FOXN3: variants seen among roughly 807,000 people sequenced by gnomAD.
The protein encoded by FOXN3 is forkhead box protein N3.
FOXN3 carries 7 observed loss-of-function variants against 38.4 expected under a neutral mutation model. That is an observed-to-expected ratio of 0.18 (90% CI 0.10 to 0.34). The LOEUF (loss-of-function observed/expected upper bound fraction) is 0.34, where lower values mean the gene tolerates loss of function less well. Among genes scored for constraint, FOXN3 ranks in the 10% least tolerant of loss-of-function variants. The pLI, the probability that FOXN3 is intolerant of heterozygous loss-of-function variation, is 1.00. For missense variants in FOXN3, 456 were observed against 613.4 expected, an observed-to-expected ratio of 0.74 and a Z score of 2.71; for synonymous variants, 230 against 242.2, an observed-to-expected ratio of 0.95 and a Z score of 0.47.
intron 1 of FOXN3, among the ~76,000 whole-genome samples, chr14:89,454,646 G>A (rs1007388574): frequency 6.6e-6 from 1 of 152,138 alleles, no homozygotes; most frequent in African/African-American, 2.4e-5. Flanking sequence ...GCTAAATCCT[G>A]GTCCATTCAC....
At chr14:89,449,371 T>C (rs1409399367) in intron 1 of FOXN3, among the ~76,000 whole-genome samples, 1 of 152,222 alleles carries the variant, frequency 6.6e-6, no homozygotes, top group Non-Finnish European at 1.5e-5. Flanking sequence ...TATATTTACA[T>C]ACACATACCT....
intron 3 of FOXN3, among the ~76,000 whole-genome samples, chr14:89,292,139 C>T (rs547962582): frequency 9.9e-5 from 15 of 152,142 alleles, no homozygotes; most frequent in South Asian, 4.1e-4. Flanking sequence ...TCTGCCTGCG[C>T]GTGCATCTTC....
intron 1 of FOXN3, among the ~76,000 whole-genome samples, chr14:89,432,547 T>C (rs1274375413): frequency 1.3e-5 from 2 of 152,200 alleles, no homozygotes; most frequent in Non-Finnish European, 2.9e-5. Context: ...CATCCTCATT[T>C]ACAGATGAGG....
At chr14:89,510,817 C>T (rs369773674) in intron 1 of FOXN3, among the ~76,000 whole-genome samples, 5 of 152,268 alleles carry the variant, frequency 3.3e-5, no homozygotes, top group African/African-American at 1.2e-4. Context: ...TGGTGTGCGC[C>T]TGTAAATCCC....
intron 4 of FOXN3, among the ~76,000 whole-genome samples, chr14:89,257,559 C>T (rs753510886): frequency 1.2e-4 from 18 of 152,188 alleles, no homozygotes; most frequent in Admixed American, 3.9e-4. Flanking sequence ...CTTTGGGCTT[C>T]CCCACCAGGT....
At chr14:89,287,906 CAA>C (rs1886684091) in intron 3 of FOXN3, among the ~76,000 whole-genome samples, 2 of 151,508 alleles carry the variant, frequency 1.3e-5, no homozygotes, top group Non-Finnish European at 2.9e-5. Context: ...AAAAAATAAA[CAA>C]AATCAGCCCA....
chr14:89,367,804 G>A (rs1596231956), intron 2 of FOXN3, among the ~76,000 whole-genome samples: 1 of 151,298 alleles, frequency 6.6e-6, no homozygotes, highest in African/African-American at 2.4e-5. Flanking sequence ...TGGCTGTCCA[G>A]AGAGCCAGGG....
Position 89,511,237 on chromosome 14 carries a change from CTTTTCTTTCTTTTCTTTCTTTCTTTCT to C in FOXN3, c.-14-98774_-14-98748del, listed in dbSNP as rs1894075272. On this transcript the variant is annotated intron_variant, in intron 1 of 6. Transcript: ENST00000345097. Reference sequence around the variant, plus strand: ...TTTCTTTCTTTCTTTCTTTTCTTTCCTTTTCTTTCTTTTCTTTCTTTCTTTCTTTCTTTCTTTCTTTCTTTCTTTCTT... The same window carrying C: ...TTTCTTTCTTTCTTTCTTTTCTTTCCTTCTTTCTTTCTTTCTTTCTTTCTT... 1.2e-4 allele frequency among the ~76,000 whole-genome samples: 3 copies of C among 25,718 alleles called. 1 individual carries two copies. Among genetic ancestry groups the C allele is most frequent in the South Asian group, 3.2e-3 (2 of 628 alleles). 16.9% of individuals were successfully genotyped at this position (25,718 alleles called of 152,430 possible).
chr14:89,271,469 A>G (rs933633667), intron 4 of FOXN3, among the ~76,000 whole-genome samples: 2 of 152,228 alleles, frequency 1.3e-5, no homozygotes, highest in Non-Finnish European at 2.9e-5. Context: ...ACATTTTTAA[A>G]TGCTCAAAAA....
chr14:89,335,192 C>G (rs1888412370), intron 3 of FOXN3, among the ~76,000 whole-genome samples: 1 of 151,778 alleles, frequency 6.6e-6, no homozygotes, highest in East Asian at 1.9e-4. Context: ...TGTATCACAA[C>G]ATCACACTGT....
At chr14:89,224,064 T>C (rs934019737) in intron 4 of FOXN3, among the ~76,000 whole-genome samples, 65 of 152,328 alleles carry the variant, frequency 4.3e-4, no homozygotes, top group African/African-American at 1.5e-3. Flanking sequence ...ATAATCAACT[T>C]AGATTTTGAT....
At chr14:89,613,491 C>G (rs1308353410) in intron 1 of FOXN3, among the ~76,000 whole-genome samples, 1 of 152,190 alleles carries the variant, frequency 6.6e-6, no homozygotes, top group Non-Finnish European at 1.5e-5. Flanking sequence ...TAAACAGCCT[C>G]AACATGAAAA....
At chr14:89,179,811 C>T (rs1295191566) in intron 5 of FOXN3, among the ~76,000 whole-genome samples, 1 of 152,184 alleles carries the variant, frequency 6.6e-6, no homozygotes, top group East Asian at 1.9e-4. Flanking sequence ...GAAGGACGTG[C>T]TGCCTTACAT....
intron 2 of FOXN3, among the ~76,000 whole-genome samples, chr14:89,392,797 C>G (rs978665098): frequency 7.0e-6 from 1 of 143,278 alleles, no homozygotes; most frequent in South Asian, 2.2e-4. Context: ...CAGACCACCA[C>G]GCCCAGCTAA....
chr14:89,458,483 G>C (rs1275393623), intron 1 of FOXN3, among the ~76,000 whole-genome samples: 1 of 152,128 alleles, frequency 6.6e-6, no homozygotes, highest in South Asian at 2.1e-4. Flanking sequence ...GGACGCCAAC[G>C]GTCTTCATGA....
In FOXN3 at chr14:89,174,824, C is replaced by T. The variant is rs146349198; in HGVS notation, c.851+5877G>A. Among the ~76,000 whole-genome samples, 511 of 152,262 alleles carry T rather than the reference C, an allele frequency of 3.4e-3. 1 individual carries two copies. Among genetic ancestry groups the T allele is most frequent in the Non-Finnish European group, 5.9e-3 (398 of 68,014 alleles). On this transcript the variant is annotated intron_variant, in intron 5 of 5. Coordinates refer to ENST00000557258, the MANE Select transcript of FOXN3 (RefSeq NM_005197.4). Reference sequence around the variant, plus strand: ...CTTAAACCTAGCTCTTTAGTATTTTCTCTTCTCCTCCCACTACAAAGCAAA... The same window carrying T: ...CTTAAACCTAGCTCTTTAGTATTTTTTCTTCTCCTCCCACTACAAAGCAAA...
chr14:89,259,105 C>G (rs1215782272), intron 4 of FOXN3, among the ~76,000 whole-genome samples: 1 of 152,254 alleles, frequency 6.6e-6, no homozygotes, highest in Non-Finnish European at 1.5e-5. Flanking sequence ...GACCCAGTCA[C>G]TCAGAGACAA....
chr14:89,166,364 G>C (rs1234917602), intron 5 of FOXN3, among the ~76,000 whole-genome samples: 1 of 152,194 alleles, frequency 6.6e-6, no homozygotes, highest in Non-Finnish European at 1.5e-5. Context: ...CACAGCCCCT[G>C]ATTTGATGCT....
chr14:89,451,107 G>C (rs1248973001), intron 1 of FOXN3, among the ~76,000 whole-genome samples: 1 of 152,200 alleles, frequency 6.6e-6, no homozygotes, highest in East Asian at 1.9e-4. Flanking sequence ...GATTCTGCAA[G>C]TAGAAATCTC....
Sources: gnomAD v4.1 joint callset for allele counts (sites outside exome capture counted in the v4.1 genomes callset) on GRCh38, gnomAD v4.1.1 for gene constraint, MANE v1.5 for transcripts, NCBI Gene and HGNC (gene_info 2026-07-23, HGNC 2026-07-21) for gene names.